DNAH3: variants seen among roughly 807,000 people sequenced by gnomAD.
DNAH3 encodes dynein axonemal heavy chain 3.
Under a neutral mutation model 432.5 loss-of-function variants are expected in DNAH3, and 332 were observed. The observed-to-expected ratio is 0.77, with a 90% CI of 0.70 to 0.84. The LOEUF (loss-of-function observed/expected upper bound fraction) is 0.84. Ranked by LOEUF, DNAH3 falls within the 40% of genes least tolerant of loss-of-function variation. The probability of loss-of-function intolerance (pLI) is 0.00; values close to 1 mark genes in which losing one functional copy is unlikely to be tolerated. For missense variants in DNAH3, 4,861 were observed against 5,114.0 expected (o/e 0.95, Z 1.51); for synonymous variants, 1,956 against 1,900.2 (o/e 1.03, Z -0.76).
intron 24 of DNAH3, among the ~76,000 whole-genome samples, chr16:21,064,198 C>T (rs1449762493): frequency 6.6e-6 from 1 of 152,156 alleles, no homozygotes; most frequent in Non-Finnish European, 1.5e-5. Context: ...ACTCTTGCTG[C>T]TCTTAGGAAC....
At chr16:21,080,065 G>A (rs1449863985) in intron 20 of DNAH3, among the ~76,000 whole-genome samples, 1 of 152,216 alleles carries the variant, frequency 6.6e-6, no homozygotes, top group Non-Finnish European at 1.5e-5. Flanking sequence ...GGGAGGCCGA[G>A]GTGGGCAGAT....
At chr16:21,008,280 T>C (rs1239484789) in intron 41 of DNAH3, among the ~76,000 whole-genome samples, 1 of 152,184 alleles carries the variant, frequency 6.6e-6, no homozygotes, top group African/African-American at 2.4e-5. Context: ...CTTCTTGACA[T>C]GTTTCCCAAC....
chr16:21,046,625 A>T (rs1401207457), intron 31 of DNAH3, among the ~76,000 whole-genome samples: 4 of 152,098 alleles, frequency 2.6e-5, no homozygotes, highest in Non-Finnish European at 5.9e-5. Flanking sequence ...TTGACTCTTT[A>T]TCCAATTTTC....
At chr16:20,964,287 C>T (rs2152622983) in exon 53 of DNAH3, 1 of 1,614,100 alleles carries the variant, frequency 6.2e-7, no homozygotes, top group South Asian at 1.1e-5. Flanking sequence ...CTTGGAGACC[C>T]AAGGGGGTGA....
chr16:21,064,575 A>G (rs924139485), intron 24 of DNAH3, among the ~76,000 whole-genome samples: 1 of 152,240 alleles, frequency 6.6e-6, no homozygotes, highest in Non-Finnish European at 1.5e-5. Context: ...ATCAACTAAC[A>G]AATATCCAGT....
At chr16:20,971,088 G>A (rs1011046274) in intron 51 of DNAH3, among the ~76,000 whole-genome samples, 1 of 151,718 alleles carries the variant, frequency 6.6e-6, no homozygotes, top group Admixed American at 6.6e-5. Context: ...GGCTGGTCTC[G>A]AACTCCTGAC....
exon 48 of DNAH3, chr16:20,985,358 T>C (rs2086139082): frequency 3.7e-6 from 6 of 1,614,082 alleles, no homozygotes; most frequent in East Asian, 2.2e-5. Context: ...GCGTAGTTCT[T>C]GGTGATCTCA....
chr16:21,029,616 G>A (rs985078354), intron 37 of DNAH3, among the ~76,000 whole-genome samples: 1 of 152,192 alleles, frequency 6.6e-6, no homozygotes, highest in Non-Finnish European at 1.5e-5. Context: ...CAGGCTCTCT[G>A]GCTCCAGAGT....
chr16:20,989,054 T>A (rs1159977616), intron 44 of DNAH3, among the ~76,000 whole-genome samples: 1 of 152,152 alleles, frequency 6.6e-6, no homozygotes, highest in Non-Finnish European at 1.5e-5. Context: ...CCAGTAAGAT[T>A]TACTGCAAAG....
At chr16:20,973,425 G>A (rs1475153872) in intron 51 of DNAH3, among the ~76,000 whole-genome samples, 1 of 151,924 alleles carries the variant, frequency 6.6e-6, no homozygotes, top group African/African-American at 2.4e-5. Flanking sequence ...GCTAATTTTT[G>A]TATTTTTAGT....
chr16:21,038,732 G>C (rs2089288974), intron 33 of DNAH3, among the ~76,000 whole-genome samples: 1 of 152,156 alleles, frequency 6.6e-6, no homozygotes, highest in South Asian at 2.1e-4. Context: ...CTGGGCATAA[G>C]GTTGGTGACT....
intron 1 of DNAH3, chr16:21,159,184 C>A: frequency 1.2e-6 from 1 of 862,934 alleles, no homozygotes; most frequent in South Asian, 1.4e-5. Flanking sequence ...CACCGAGGTC[C>A]CCTTCCCCAT....
intron 7 of DNAH3, among the ~76,000 whole-genome samples, chr16:21,131,917 A>C (rs1261867105): frequency 6.6e-6 from 1 of 152,090 alleles, no homozygotes. Context: ...AAAAGAAAAC[A>C]GTCACAGAGG....
In DNAH3 at chr16:20,969,875, G is replaced by A. The variant is rs1467676968; in HGVS notation, c.8375C>T (p.Pro2792Leu). The A allele has an allele frequency of 6.2e-6, 10 of 1,614,060 alleles. No individual in the cohort carries two copies. The East Asian group carries it at 2.2e-4, about 36-fold the overall frequency. The stretch of plus-strand genomic sequence containing the variant: ...CTCCATGACCAGTTTGACAGGGCCT[G>A]GTGGGTTCTGCATCGACTTCACCAG... Residue 2792 changes from proline to leucine, a missense_variant, in exon 52 of 62, where the codon CCA (proline) becomes CTA (leucine). Coordinates refer to ENST00000261383, the Ensembl canonical transcript of DNAH3.
At chr16:21,055,728 G>A (rs1433906189) in intron 27 of DNAH3, among the ~76,000 whole-genome samples, 1 of 151,110 alleles carries the variant, frequency 6.6e-6, no homozygotes, top group East Asian at 1.9e-4. Context: ...CAGTCTCCTG[G>A]TGTGTGTCAA....
intron 41 of DNAH3, among the ~76,000 whole-genome samples, chr16:21,010,055 T>C (rs1369623090): frequency 1.3e-5 from 2 of 152,144 alleles, no homozygotes; most frequent in Non-Finnish European, 2.9e-5. Context: ...TACACACCTG[T>C]AAAATAGGCC....
At chr16:21,145,838 CA>C in intron 2 of DNAH3, 145 bp downstream of exon 3, 1 of 616,120 alleles carries the variant, frequency 1.6e-6, no homozygotes, top group Non-Finnish European at 2.9e-6. Flanking sequence ...CTTCTGGGGG[CA>C]AAAGCGACCA....
At chr16:21,004,875 T>C (rs2087200327) in intron 41 of DNAH3, among the ~76,000 whole-genome samples, 1 of 152,214 alleles carries the variant, frequency 6.6e-6, no homozygotes, top group African/African-American at 2.4e-5. Flanking sequence ...TGTGAGGTGA[T>C]TAACTCTTCC....
At chr16:21,108,661 T>C (rs1049556138) in intron 14 of DNAH3, among the ~76,000 whole-genome samples, 1 of 152,190 alleles carries the variant, frequency 6.6e-6, no homozygotes, top group Non-Finnish European at 1.5e-5. Flanking sequence ...GAGGATGACA[T>C]GAGCCCAGGA....
Sources: allele counts gnomAD v4.1 joint callset (sites outside exome capture counted in the v4.1 genomes callset), GRCh38; gene constraint gnomAD v4.1.1; transcripts MANE v1.5; gene names NCBI Gene and HGNC (gene_info 2026-07-23, HGNC 2026-07-21).